Variants in EYA4 observed in about 807,000 individuals in gnomAD.
The protein encoded by EYA4 is EYA transcriptional coactivator and phosphatase 4, also known as protein phosphatase EYA4.
EYA4 carries 31 observed loss-of-function variants against 87.9 expected under a neutral mutation model. The observed-to-expected ratio is 0.35, with a 90% CI of 0.27 to 0.48. The LOEUF (loss-of-function observed/expected upper bound fraction) is 0.48, where lower values mean the gene tolerates loss of function less well. Ranked by LOEUF, EYA4 falls within the 20% of genes least tolerant of loss-of-function variation. The probability of loss-of-function intolerance (pLI) is 0.99; values close to 1 mark genes in which losing one functional copy is unlikely to be tolerated. For synonymous variants in EYA4, 263 were observed against 270.6 expected (o/e 0.97, Z 0.28); for missense variants, 678 against 761.4 (o/e 0.89, Z 1.29).
intron 1 of EYA4, among the ~76,000 whole-genome samples, chr6:133,253,830 G>A (rs1192314232): frequency 6.6e-6 from 1 of 152,020 alleles, no homozygotes; most frequent in Non-Finnish European, 1.5e-5. Context: ...GTATGTGTCT[G>A]TCTTCTAGAG....
chr6:133,409,386 A>G (rs1789009593), intron 3 of EYA4, among the ~76,000 whole-genome samples: 1 of 152,064 alleles, frequency 6.6e-6, no homozygotes, highest in Non-Finnish European at 1.5e-5. Flanking sequence ...ATTTGTGACA[A>G]CATGGATGAA....
intron 3 of EYA4, among the ~76,000 whole-genome samples, chr6:133,428,552 C>T (rs974703491): frequency 4.6e-5 from 7 of 152,176 alleles, no homozygotes; most frequent in African/African-American, 1.7e-4. Context: ...GGTAGACTGG[C>T]CTCAAGAGTG....
At chr6:133,450,238 GC>G (rs1461971379) in intron 5 of EYA4, among the ~76,000 whole-genome samples, 1 of 152,144 alleles carries the variant, frequency 6.6e-6, no homozygotes, top group Non-Finnish European at 1.5e-5. Flanking sequence ...GCCCGCCTCA[GC>G]CTCCCGAAGT....
chr6:133,496,770 T>C (rs1450925125), intron 13 of EYA4, among the ~76,000 whole-genome samples: 1 of 152,240 alleles, frequency 6.6e-6, no homozygotes, highest in Non-Finnish European at 1.5e-5. Flanking sequence ...AACTATCATC[T>C]ACCTCCTAGG....
intron 2 of EYA4, among the ~76,000 whole-genome samples, chr6:133,281,417 C>G (rs1765401971): frequency 6.6e-6 from 1 of 152,150 alleles, no homozygotes; most frequent in Non-Finnish European, 1.5e-5. Flanking sequence ...TTTCATTTCT[C>G]TATGATTTCT....
chr6:133,494,551 AAG>A (rs1280691455), intron 13 of EYA4, among the ~76,000 whole-genome samples: 3 of 152,022 alleles, frequency 2.0e-5, no homozygotes, highest in Non-Finnish European at 2.9e-5. Flanking sequence ...TAAAATAACT[AAG>A]AGAGTCCAGG....
intron 2 of EYA4, among the ~76,000 whole-genome samples, chr6:133,337,320 A>G (rs1034766421): frequency 2.6e-5 from 4 of 152,140 alleles, no homozygotes; most frequent in Admixed American, 2.0e-4. Context: ...GAGAAGCACA[A>G]GATATGAGAA....
intron 3 of EYA4, among the ~76,000 whole-genome samples, chr6:133,404,877 A>G (rs894745996): frequency 6.6e-6 from 1 of 152,202 alleles, no homozygotes; most frequent in African/African-American, 2.4e-5. Context: ...AGAAATGGGA[A>G]ACCCTAATTC....
intron 3 of EYA4, among the ~76,000 whole-genome samples, chr6:133,397,802 C>T (rs1010787332): frequency 6.6e-6 from 1 of 152,116 alleles, no homozygotes; most frequent in Non-Finnish European, 1.5e-5. Flanking sequence ...ACATGGGGGC[C>T]GACAAGAGAA....
At chr6:133,523,744 G>A (rs1800389448) in intron 18 of EYA4, among the ~76,000 whole-genome samples, 2 of 151,986 alleles carry the variant, frequency 1.3e-5, no homozygotes, top group African/African-American at 4.8e-5. Flanking sequence ...AGCCATCTTT[G>A]ATTTTTAAGT....
intron 2 of EYA4, among the ~76,000 whole-genome samples, chr6:133,281,203 A>C (rs1777598625): frequency 2.1e-5 from 3 of 141,230 alleles, no homozygotes; most frequent in South Asian, 4.6e-4. Context: ...ATTCTAGATA[A>C]AAGTCCTTCA....
At chr6:133,461,990 G>A in intron 7 of EYA4, 1 of 358,178 alleles carries the variant, frequency 2.8e-6, no homozygotes, top group Non-Finnish European at 5.4e-6. Flanking sequence ...GCTAGTGTGT[G>A]CTCCATTTTC....
chr6:133,405,872 G>C (rs1030317767), intron 3 of EYA4, among the ~76,000 whole-genome samples: 12 of 152,010 alleles, frequency 7.9e-5, no homozygotes, highest in African/African-American at 2.9e-4. Flanking sequence ...AATGAGGGCT[G>C]GGTCATGCAG....
intron 14 of EYA4, among the ~76,000 whole-genome samples, chr6:133,508,234 A>T (rs1798820399): frequency 6.6e-6 from 1 of 152,146 alleles, no homozygotes; most frequent in South Asian, 2.1e-4. Flanking sequence ...AGTGGACAGT[A>T]TGAAAGCTCA....
intron 5 of EYA4, among the ~76,000 whole-genome samples, chr6:133,449,499 G>A (rs1026881189): frequency 6.6e-6 from 1 of 152,160 alleles, no homozygotes; most frequent in Non-Finnish European, 1.5e-5. Flanking sequence ...TTTTCTAAGT[G>A]GTAAGCATCA....
chr6:133,446,529 T>A, intron 3 of EYA4, 101 bp from the exon 4 acceptor site: 1 of 1,356,284 alleles, frequency 7.4e-7, no homozygotes, highest in Non-Finnish European at 1.0e-6. Flanking sequence ...TGGTTTTAAT[T>A]ATTACTGTGA....
chr6:133,267,933 A>T (rs1776360665), intron 1 of EYA4, among the ~76,000 whole-genome samples: 1 of 152,180 alleles, frequency 6.6e-6, no homozygotes, highest in African/African-American at 2.4e-5. Flanking sequence ...TAAAAATATT[A>T]GAAAATGACA....
chr6:133,352,274 C>T (rs1783698294), intron 2 of EYA4, among the ~76,000 whole-genome samples: 1 of 152,132 alleles, frequency 6.6e-6, no homozygotes. Flanking sequence ...TTGGTTGCAA[C>T]TGATAAAACA....
chr6:133,317,355 C>T (rs547426953), intron 2 of EYA4, among the ~76,000 whole-genome samples: 39 of 152,258 alleles, frequency 2.6e-4, no homozygotes, highest in African/African-American at 9.1e-4. Context: ...ATTTAGCTGC[C>T]AGGTAAGCAG....
Sources: gnomAD v4.1 joint callset for allele counts (sites outside exome capture counted in the v4.1 genomes callset) on GRCh38, gnomAD v4.1.1 for gene constraint, MANE v1.5 for transcripts, NCBI Gene and HGNC (gene_info 2026-07-23, HGNC 2026-07-21) for gene names.